FGGY: variants seen among roughly 807,000 people sequenced by gnomAD.
The protein encoded by FGGY is FGGY carbohydrate kinase domain-containing protein.
FGGY carries 72 observed loss-of-function variants against 71.3 expected under a neutral mutation model. The ratio of observed to expected loss-of-function variants is 1.01; its 90% CI spans 0.84 to 1.23. The LOEUF (loss-of-function observed/expected upper bound fraction) is 1.23, where lower values mean the gene tolerates loss of function less well. FGGY is among the 50% of genes most tolerant of loss of function. The pLI is 0.00. For missense variants in FGGY, 668 were observed against 682.3 expected (o/e 0.98, Z 0.23); for synonymous variants, 251 against 250.3 (o/e 1.00, Z -0.02).
At position 59,630,058 on chromosome 1, in the gene FGGY, G is replaced by A. The variant is rs139557917; in HGVS notation, c.1073+4009G>A. Among the ~76,000 whole-genome samples the A allele has an allele frequency of 8.2e-3, 1,254 of 152,138 alleles. 21 individuals carry two copies. The highest frequency in any genetic ancestry group is 0.029 in the African/African-American group (1,194 of 41,482). On this transcript the variant is annotated intron_variant, in intron 10 of 15. Coordinates refer to ENST00000303721, the MANE Select transcript of FGGY (RefSeq NM_018291.5). Reference sequence around the variant, plus strand: ...GGAAACTTACAGTCATGGTGGAAGGGGAAACAAACACATCCTTCTTCACAT... The same window carrying A: ...GGAAACTTACAGTCATGGTGGAAGGAGAAACAAACACATCCTTCTTCACAT...
chr1:59,366,896 G>C (rs1461869035), intron 4 of FGGY, among the ~76,000 whole-genome samples: 1 of 152,156 alleles, frequency 6.6e-6, no homozygotes, highest in Non-Finnish European at 1.5e-5. Flanking sequence ...AGAGATACCA[G>C]CTGTAACAGA....
intron 14 of FGGY, among the ~76,000 whole-genome samples, chr1:59,692,268 A>G (rs1320537596): frequency 6.6e-6 from 1 of 152,196 alleles, no homozygotes; most frequent in Non-Finnish European, 1.5e-5. Context: ...TATTATGTTA[A>G]ATATCACAAC....
intron 8 of FGGY, among the ~76,000 whole-genome samples, chr1:59,570,075 T>G (rs1420612912): frequency 1.3e-5 from 2 of 152,178 alleles, no homozygotes; most frequent in African/African-American, 4.8e-5. Context: ...GACTGTCAAT[T>G]AATGTGCACA....
intron 7 of FGGY, among the ~76,000 whole-genome samples, chr1:59,520,008 G>GT (rs2094779727): frequency 1.3e-5 from 2 of 152,192 alleles, no homozygotes; most frequent in South Asian, 4.1e-4. Flanking sequence ...CTGGCCTGTG[G>GT]TGGGTAGAGG....
chr1:59,319,550 C>T (rs2046019729), intron 1 of FGGY, among the ~76,000 whole-genome samples: 1 of 152,070 alleles, frequency 6.6e-6, no homozygotes, highest in South Asian at 2.1e-4. Context: ...AAGCCTTTTC[C>T]AAGGAGAATT....
Position 59,595,014 on chromosome 1 carries a change from C to A in FGGY, c.904-12789C>A, listed in dbSNP as rs139956688. Among the ~76,000 whole-genome samples, 717 of 152,264 alleles carry A rather than the reference C, an allele frequency of 4.7e-3. 12 individuals carry two copies. Among genetic ancestry groups the A allele is most frequent in the African/African-American group, 0.016 (677 of 41,560 alleles). ...TGTCTGGAAAGGGGAAGGGCTGGTT[C>A]CACTGATGCCCCTGCATTCATTGAG... On this transcript the variant is annotated intron_variant, in intron 8 of 15. Transcript: ENST00000303721.
At chr1:59,412,602 T>C (rs1449016859) in intron 5 of FGGY, among the ~76,000 whole-genome samples, 1 of 152,206 alleles carries the variant, frequency 6.6e-6, no homozygotes, top group South Asian at 2.1e-4. Context: ...CTCTATAATC[T>C]CTTAACTTTC....
At chr1:59,667,605 A>G (rs771033844) in intron 13 of FGGY, among the ~76,000 whole-genome samples, 1 of 152,248 alleles carries the variant, frequency 6.6e-6, no homozygotes, top group Non-Finnish European at 1.5e-5. Context: ...ATTTCTGTGT[A>G]TATCCAACCA....
In FGGY at chr1:59,548,720, G is replaced by A. The variant is rs759507229; in HGVS notation, c.800-5404G>A. On this transcript the variant is annotated intron_variant, in intron 7 of 15. Coordinates refer to ENST00000303721, the MANE Select transcript of FGGY (RefSeq NM_018291.5). ...GATAGAATAAAAAATTCAGTCCTCAGTTGTACTAGCCACATTTTCAGGGCT... is the reference window on the plus strand; with the variant it reads ...GATAGAATAAAAAATTCAGTCCTCAATTGTACTAGCCACATTTTCAGGGCT... 3.9e-5 allele frequency among the ~76,000 whole-genome samples: 6 copies of A among 152,136 alleles called. No homozygotes were observed. The East Asian group carries it at 1.2e-3, about 29-fold the overall frequency.
chr1:59,521,045 A>T (rs1443751639), intron 7 of FGGY, among the ~76,000 whole-genome samples: 1 of 127,902 alleles, frequency 7.8e-6, no homozygotes, highest in Non-Finnish European at 1.6e-5. Context: ...GTGGGGGGGG[A>T]TTAGAAATGC....
chr1:59,437,412 C>T (rs1268831152), intron 5 of FGGY, among the ~76,000 whole-genome samples: 1 of 152,246 alleles, frequency 6.6e-6, no homozygotes, highest in Non-Finnish European at 1.5e-5. Flanking sequence ...GCAGTCTGCA[C>T]CCCTTTAGAC....
chr1:59,627,454 T>TTATATATATATATATATATA (rs60500862), intron 10 of FGGY, among the ~76,000 whole-genome samples: 25 of 97,320 alleles, frequency 2.6e-4, no homozygotes, highest in African/African-American at 4.9e-4. Flanking sequence ...ACTTATGATT[T>TTATATATATATATATATATA]TATATATATA....
At chr1:59,559,580 C>G (rs1199243589) in intron 8 of FGGY, among the ~76,000 whole-genome samples, 1 of 152,088 alleles carries the variant, frequency 6.6e-6, no homozygotes, top group African/African-American at 2.4e-5. Flanking sequence ...CACATAGTGT[C>G]CAGATCATGG....
intron 14 of FGGY, among the ~76,000 whole-genome samples, chr1:59,756,257 C>G (rs2098290282): frequency 6.6e-6 from 1 of 152,136 alleles, no homozygotes; most frequent in Admixed American, 6.5e-5. Context: ...CCATTTCTTT[C>G]TGTTGTCATT....
chr1:59,517,358 C>T lies in FGGY; in HGVS notation c.799+4919C>T, dbSNP rs867749097. 2.2e-3 allele frequency among the ~76,000 whole-genome samples: 324 copies of T among 149,118 alleles called. 2 individuals are homozygous for T. The highest frequency in any genetic ancestry group is 7.2e-3 in the African/African-American group (290 of 40,480). On this transcript the variant is annotated intron_variant, in intron 7 of 15. Coordinates refer to ENST00000303721, the MANE Select transcript of FGGY (RefSeq NM_018291.5). ...TCGGCTCACTGCAAGCTCCGCCTCC[C>T]GGGTTCACGCCATTCTCCTGCCTCA...
chr1:59,364,468 C>A (rs532152030), intron 4 of FGGY, among the ~76,000 whole-genome samples: 1 of 152,308 alleles, frequency 6.6e-6, no homozygotes, highest in African/African-American at 2.4e-5. Flanking sequence ...CCATTCATTC[C>A]TTTTATTTCT....
At chr1:59,533,106 C>T (rs2153667140) in intron 7 of FGGY, among the ~76,000 whole-genome samples, 1 of 151,766 alleles carries the variant, frequency 6.6e-6, no homozygotes, top group Admixed American at 6.5e-5. Flanking sequence ...GGGTTCATCT[C>T]ACTAGGGAGT....
intron 2 of FGGY, among the ~76,000 whole-genome samples, chr1:59,337,048 C>CATATATATATATATATATAT (rs35698016): frequency 2.1e-5 from 3 of 142,050 alleles, no homozygotes; most frequent in African/African-American, 5.3e-5. Flanking sequence ...TGTATATAGT[C>CATATATATATATATATATAT]ATATATATAT....
intron 6 of FGGY, among the ~76,000 whole-genome samples, chr1:59,463,387 G>A (rs1572462909): frequency 6.6e-6 from 1 of 152,148 alleles, no homozygotes; most frequent in African/African-American, 2.4e-5. Context: ...GGAACAACCA[G>A]TACCAGCCAC....
Sources: allele counts gnomAD v4.1 joint callset (sites outside exome capture counted in the v4.1 genomes callset), GRCh38; gene constraint gnomAD v4.1.1; transcripts MANE v1.5; gene names NCBI Gene and HGNC (gene_info 2026-07-23, HGNC 2026-07-21).